SP4: variants seen among roughly 807,000 people sequenced by gnomAD.
SP4 encodes the protein transcription factor Sp4.
SP4 carries 19 observed loss-of-function variants against 72.8 expected under a neutral mutation model. The observed-to-expected ratio is 0.26, with a 90% CI of 0.18 to 0.38. The LOEUF is 0.38. Among genes scored for constraint, SP4 ranks in the 10% least tolerant of loss-of-function variants. The pLI, the probability that SP4 is intolerant of heterozygous loss-of-function variation, is 1.00. For synonymous variants in SP4, 395 were observed against 333.1 expected, an observed-to-expected ratio of 1.19 and a Z score of -2.02; for missense variants, 1,008 against 926.3, an observed-to-expected ratio of 1.09 and a Z score of -1.14.
At chr7:21,491,723 A>G (rs1784984177) in intron 5 of SP4, among the ~76,000 whole-genome samples, 1 of 152,222 alleles carries the variant, frequency 6.6e-6, no homozygotes, top group African/African-American at 2.4e-5. Context: ...TATGGAGGAC[A>G]GAGAAAGAAA....
At chr7:21,451,961 C>G (rs1233875662) in intron 3 of SP4, among the ~76,000 whole-genome samples, 1 of 152,182 alleles carries the variant, frequency 6.6e-6, no homozygotes, top group African/African-American at 2.4e-5. Context: ...CTAACCAATT[C>G]CGATACATGC....
chr7:21,500,694 C>A (rs1460448900), intron 5 of SP4, among the ~76,000 whole-genome samples: 1 of 152,228 alleles, frequency 6.6e-6, no homozygotes, highest in Non-Finnish European at 1.5e-5. Flanking sequence ...TGGCCCCCTC[C>A]AGCAACAGCA....
intron 3 of SP4, among the ~76,000 whole-genome samples, chr7:21,434,166 T>C (rs1471174843): frequency 6.6e-6 from 1 of 152,126 alleles, no homozygotes; most frequent in Non-Finnish European, 1.5e-5. Flanking sequence ...GTGGGGAAAA[T>C]TTTGCTCGAA....
chr7:21,461,081 A>G (rs1196936618), intron 3 of SP4, among the ~76,000 whole-genome samples: 4 of 152,190 alleles, frequency 2.6e-5, no homozygotes, highest in African/African-American at 7.2e-5. Flanking sequence ...TCCCCTAGCT[A>G]GACGTAAAGG....
chr7:21,431,482 TTTAA>T (rs1782852591), intron 3 of SP4, among the ~76,000 whole-genome samples: 2 of 152,246 alleles, frequency 1.3e-5, no homozygotes, highest in African/African-American at 4.8e-5. Context: ...TAAAATTATA[TTTAA>T]TTAAATCATG....
chr7:21,449,107 C>CTAA, intron 3 of SP4, among the ~76,000 whole-genome samples: 1 of 152,312 alleles, frequency 6.6e-6, no homozygotes, highest in East Asian at 1.9e-4. Context: ...ACCACCTGCT[C>CTAA]TAATCACCCC....
At chr7:21,487,407 A>AG (rs1784848471) in intron 5 of SP4, among the ~76,000 whole-genome samples, 1 of 113,824 alleles carries the variant, frequency 8.8e-6, no homozygotes, top group African/African-American at 3.7e-5. Flanking sequence ...TGGAATCTCT[A>AG]GGGTTTTTTT....
chr7:21,428,682 AAGAAGG>A lies in SP4; in HGVS notation c.16_21del (p.Lys6_Glu7del), dbSNP rs1229265698. 4 of 1,550,648 alleles carry A rather than the reference AAGAAGG, an allele frequency of 2.6e-6. No homozygotes were observed. Among genetic ancestry groups the A allele is most frequent in the African/African-American group, 2.7e-5 (2 of 73,046 alleles). On this transcript the variant is annotated inframe_deletion, in exon 2 of 6. Transcript: ENST00000222584. ...GGTGGGGGGGTTTGTTGCAGATCAG[AAGAAGG>A]AGGAGGAGGAGGAGGCGGCAGCGGC...
At chr7:21,446,056 G>A (rs202200271) in intron 3 of SP4, among the ~76,000 whole-genome samples, 2 of 27,472 alleles carry the variant, frequency 7.3e-5, no homozygotes, top group South Asian at 9.0e-4. Context: ...AGATATATAT[G>A]TGTGTGTGTG....
chr7:21,479,704 T>C (rs1301010653), intron 4 of SP4, among the ~76,000 whole-genome samples: 1 of 152,240 alleles, frequency 6.6e-6, no homozygotes, highest in Non-Finnish European at 1.5e-5. Flanking sequence ...ATTGAATCTG[T>C]AGATCACTTT....
intron 5 of SP4, among the ~76,000 whole-genome samples, chr7:21,504,988 TC>T (rs983411232): frequency 2.6e-5 from 4 of 152,210 alleles, no homozygotes; most frequent in African/African-American, 9.6e-5. Context: ...TGGAATGGTT[TC>T]TCTAAAGATG....
At chr7:21,451,574 G>A (rs1583396124) in intron 3 of SP4, among the ~76,000 whole-genome samples, 1 of 152,132 alleles carries the variant, frequency 6.6e-6, no homozygotes. Context: ...TCAGGGCAGG[G>A]TGGCTCTGTG....
At chr7:21,470,559 CG>C (rs959938939) in intron 3 of SP4, among the ~76,000 whole-genome samples, 2 of 152,088 alleles carry the variant, frequency 1.3e-5, no homozygotes, top group African/African-American at 4.8e-5. Context: ...TTCCTTTCTA[CG>C]TGTTAGCTTA....
At chr7:21,466,493 C>T (rs775232043) in intron 3 of SP4, among the ~76,000 whole-genome samples, 6 of 152,146 alleles carry the variant, frequency 3.9e-5, no homozygotes, top group Non-Finnish European at 8.8e-5. Context: ...CAGGGAGAAT[C>T]AGAACTCAGA....
intron 3 of SP4, among the ~76,000 whole-genome samples, chr7:21,461,970 T>G (rs1172869427): frequency 6.6e-6 from 1 of 151,924 alleles, no homozygotes; most frequent in Non-Finnish European, 1.5e-5. Flanking sequence ...TGAATGTGTA[T>G]ATTTTTGAGG....
chr7:21,461,985 G>C (rs1015898449), intron 3 of SP4, among the ~76,000 whole-genome samples: 1 of 152,010 alleles, frequency 6.6e-6, no homozygotes, highest in Non-Finnish European at 1.5e-5. Context: ...TTGAGGGGTA[G>C]GGGACAGGAA....
intron 5 of SP4, among the ~76,000 whole-genome samples, chr7:21,492,539 T>C (rs1205974521): frequency 6.6e-6 from 1 of 152,072 alleles, no homozygotes; most frequent in Non-Finnish European, 1.5e-5. Flanking sequence ...TCTGAAACAC[T>C]TATAGGCCCA....
Position 21,428,685 on chromosome 7 carries a change from A to AAGGAGG in SP4, c.29_34dup (p.Glu10_Glu11dup), listed in dbSNP as rs758623776. 1.3e-6 allele frequency: 2 copies of AAGGAGG among 1,548,352 alleles called. No individual in the cohort carries two copies. The highest frequency in any genetic ancestry group is 1.4e-5 in the African/African-American group (1 of 72,854). On this transcript the variant is annotated inframe_insertion, in exon 2 of 6. Transcript: ENST00000222584. Reference sequence around the variant, plus strand: ...GGGGGGGTTTGTTGCAGATCAGAAGAAGGAGGAGGAGGAGGAGGCGGCAGC... The same window carrying AAGGAGG: ...GGGGGGGTTTGTTGCAGATCAGAAGAAGGAGGAGGAGGAGGAGGAGGAGGCGGCAGC...
chr7:21,487,762 ATGG>A (rs745424097), intron 5 of SP4, among the ~76,000 whole-genome samples: 9,551 of 70,970 alleles, frequency 0.13, 518 homozygotes, highest in African/African-American at 0.19. Context: ...GATGATGATG[ATGG>A]TGGTGGTGGT....
Sources: allele counts gnomAD v4.1 joint callset (sites outside exome capture counted in the v4.1 genomes callset), GRCh38; gene constraint gnomAD v4.1.1; transcripts MANE v1.5; gene names NCBI Gene and HGNC (gene_info 2026-07-23, HGNC 2026-07-21).